TIMP2: variants seen among roughly 807,000 people sequenced by gnomAD.
The protein encoded by TIMP2 is TIMP metallopeptidase inhibitor 2, also known as metalloproteinase inhibitor 2.
Under a neutral mutation model 24.3 loss-of-function variants are expected in TIMP2, and 5 were observed. The observed-to-expected ratio is 0.21, with a 90% CI of 0.11 to 0.43. The LOEUF is 0.43. Among genes scored for constraint, TIMP2 ranks in the 20% least tolerant of loss-of-function variants. The probability of loss-of-function intolerance (pLI) is 1.00; values close to 1 mark genes in which losing one functional copy is unlikely to be tolerated. For synonymous variants in TIMP2, 130 were observed against 123.2 expected (o/e 1.06, Z -0.37); for missense variants, 221 against 297.5 (o/e 0.74, Z 1.89).
chr17:78,912,027 GCACTCCA>G (rs1386716933), intron 1 of TIMP2, among the ~76,000 whole-genome samples: 1 of 151,716 alleles, frequency 6.6e-6, no homozygotes, highest in Non-Finnish European at 1.5e-5. Context: ...TTGTGCCACT[GCACTCCA>G]GCCTGGACAA....
At chr17:78,864,374 C>G (rs1420494861) in intron 3 of TIMP2, among the ~76,000 whole-genome samples, 2 of 150,612 alleles carry the variant, frequency 1.3e-5, no homozygotes, top group Admixed American at 6.6e-5. Flanking sequence ...TGCCTCCCTC[C>G]CCCTTCCTCC....
intron 1 of TIMP2, among the ~76,000 whole-genome samples, chr17:78,905,359 A>G (rs2070149191): frequency 6.6e-6 from 1 of 152,220 alleles, no homozygotes. Flanking sequence ...GCATGAGTCA[A>G]TTCCCACATA....
intron 2 of TIMP2, among the ~76,000 whole-genome samples, chr17:78,872,126 C>A (rs983040749): frequency 5.3e-5 from 8 of 150,664 alleles, no homozygotes; most frequent in African/African-American, 1.9e-4. Flanking sequence ...GTAGCTGGGA[C>A]TATAGGCGCA....
intron 1 of TIMP2, among the ~76,000 whole-genome samples, chr17:78,911,896 A>C (rs906378786): frequency 1.7e-5 from 2 of 120,154 alleles, no homozygotes; most frequent in Non-Finnish European, 1.8e-5. Flanking sequence ...AAACACACCA[A>C]AAAAAAAAAA....
chr17:78,899,339 TCTAA>T (rs1249143520), intron 1 of TIMP2: 4 of 152,456 alleles, frequency 2.6e-5, no homozygotes, highest in African/African-American at 7.2e-5. Flanking sequence ...CCCAGCGCTG[TCTAA>T]CTGAGAGACC....
In TIMP2 at chr17:78,920,784, C is replaced by A. The variant is rs1242100074; in HGVS notation, c.130+4175G>T. 2.6e-5 allele frequency among the ~76,000 whole-genome samples: 4 copies of A among 152,134 alleles called. No homozygotes were observed. The highest frequency in any genetic ancestry group is 1.3e-4 in the Admixed American group (2 of 15,268). Reference sequence around the variant, plus strand: ...GGACTGACTTTATACCACACCTGGGCAGTTGAGGAGGGGAGGCCTGCTCAC... The same window carrying A: ...GGACTGACTTTATACCACACCTGGGAAGTTGAGGAGGGGAGGCCTGCTCAC... On this transcript the variant is annotated intron_variant, in intron 1 of 4. Transcript: ENST00000262768. This position sits in a 1 kb window ranked among gnomAD's most constrained non-coding sequence, Gnocchi z 4.5.
At chr17:78,873,532 A>C (rs1295304540) in intron 2 of TIMP2, among the ~76,000 whole-genome samples, 2 of 152,180 alleles carry the variant, frequency 1.3e-5, no homozygotes, top group African/African-American at 4.8e-5. Flanking sequence ...AGCTCAAGTG[A>C]TCCGCCCACC....
In TIMP2 at chr17:78,924,867, C is replaced by T; in HGVS notation, c.130+92G>A. On this transcript the variant is annotated intron_variant, in intron 1 of 4. Coordinates refer to ENST00000262768, the MANE Select transcript of TIMP2 (RefSeq NM_003255.5). The surrounding 1 kb of genome is among the most constrained non-coding windows in gnomAD (Gnocchi z 5.3). ...CCAGGAGGCGGGCGCTGGGGTCCCT[C>T]GGCCAGCGGCGGGCGGGCGGGGCGT... 1.2e-6 allele frequency: 1 copy of T among 852,358 alleles called. No homozygotes were observed. Among genetic ancestry groups the T allele is most frequent in the Non-Finnish European group, 1.5e-6 (1 of 679,728 alleles). The allele number at this position is 852,358 out of a possible 1,614,324, so 52.8% of individuals were successfully genotyped here. A position where few individuals can be genotyped will look rare whatever the true frequency, so the allele number is the denominator to read the frequency against.
In TIMP2 at chr17:78,886,206, G is replaced by A. The variant is rs1056961394; in HGVS notation, c.131-12287C>T. On this transcript the variant is annotated intron_variant, in intron 1 of 4. Coordinates refer to ENST00000262768, the MANE Select transcript of TIMP2 (RefSeq NM_003255.5). ...CACCCTCCACACTGTCTTGCTGCCC[G>A]TCTCCACGCCTAGTTTTAGCTCGTG... Among the ~76,000 whole-genome samples, 10 of 152,258 alleles carry A rather than the reference G, an allele frequency of 6.6e-5. No homozygotes were observed. In the East Asian group the frequency reaches 1.5e-3, roughly 23 times the overall value.
At chr17:78,873,292 C>A (rs1176676212) in intron 2 of TIMP2, among the ~76,000 whole-genome samples, 1 of 133,776 alleles carries the variant, frequency 7.5e-6, no homozygotes, top group Admixed American at 8.4e-5. Context: ...TCCCTGCCCT[C>A]CCTGCCACAT....
At chr17:78,877,597 C>T (rs992443348) in intron 1 of TIMP2, among the ~76,000 whole-genome samples, 2 of 151,962 alleles carry the variant, frequency 1.3e-5, no homozygotes, top group Non-Finnish European at 2.9e-5. Flanking sequence ...CAGCAGAATC[C>T]AAAGGAATCA....
intron 3 of TIMP2, among the ~76,000 whole-genome samples, chr17:78,858,208 C>G (rs561893594): frequency 6.6e-6 from 1 of 152,046 alleles, no homozygotes; most frequent in Non-Finnish European, 1.5e-5. Context: ...TTTGGGAGGC[C>G]GCGGCAGGTG....
At position 78,891,295 on chromosome 17, in the gene TIMP2, G is replaced by A. The variant is rs533680005; in HGVS notation, c.131-17376C>T. ...CCTCTGCTGGGCTCCTGGGTTCCCC[G>A]GCAGGCAGCATCTCTGGGTCTGCCA... On this transcript the variant is annotated intron_variant, in intron 1 of 4. Coordinates refer to ENST00000262768, the MANE Select transcript of TIMP2 (RefSeq NM_003255.5). The surrounding 1 kb of genome is among the most constrained non-coding windows in gnomAD (Gnocchi z 4.5). 1.1e-5 allele frequency: 17 copies of A among 1,550,550 alleles called. No homozygotes were observed. Among genetic ancestry groups the A allele is most frequent in the African/African-American group, 4.1e-5 (3 of 73,148 alleles).
chr17:78,873,378 G>T (rs2069702255), intron 2 of TIMP2, among the ~76,000 whole-genome samples: 1 of 144,130 alleles, frequency 6.9e-6, no homozygotes, highest in Admixed American at 7.1e-5. Context: ...ATGTCTCACT[G>T]CAACCTCTGC....
chr17:78,873,944 G>A (rs1225151015), intron 1 of TIMP2, 25 bp from the exon 2 acceptor site: 1 of 1,606,440 alleles, frequency 6.2e-7, no homozygotes, highest in Middle Eastern at 1.7e-4. Context: ...ACACAGAGGT[G>A]AGGAGAGTTC....
intron 1 of TIMP2, among the ~76,000 whole-genome samples, chr17:78,875,597 G>T (rs2069721380): frequency 6.6e-6 from 1 of 152,120 alleles, no homozygotes; most frequent in African/African-American, 2.4e-5. Context: ...GGCTTTAAAA[G>T]CTTTGCCCTC....
chr17:78,922,183 G>A (rs973737793), intron 1 of TIMP2: 17 of 152,344 alleles, frequency 1.1e-4, no homozygotes, highest in African/African-American at 3.8e-4. Context: ...GCCAGAATGG[G>A]GAACCATTGC....
intron 3 of TIMP2, among the ~76,000 whole-genome samples, chr17:78,858,506 G>C (rs1001048263): frequency 6.6e-6 from 1 of 151,626 alleles, no homozygotes; most frequent in African/African-American, 2.4e-5. Context: ...CTAATATTTT[G>C]ATGTATTTCC....
intron 3 of TIMP2, among the ~76,000 whole-genome samples, chr17:78,870,202 G>A (rs1346930710): frequency 6.6e-6 from 1 of 152,262 alleles, no homozygotes; most frequent in East Asian, 1.9e-4. Flanking sequence ...GATCACCTGA[G>A]GTCAGGAGTT....
Sources: gnomAD v4.1 joint callset for allele counts (sites outside exome capture counted in the v4.1 genomes callset) on GRCh38, gnomAD v4.1.1 for gene constraint, Gnocchi (gnomAD v3.1) non-coding constraint, MANE v1.5 for transcripts, NCBI Gene and HGNC (gene_info 2026-07-23, HGNC 2026-07-21) for gene names.